PAX4: variants seen among roughly 807,000 people sequenced by gnomAD.
The protein encoded by PAX4 is paired box protein Pax-4.
PAX4 carries 33 observed loss-of-function variants against 40.6 expected under a neutral mutation model. The observed-to-expected ratio is 0.81, with a 90% CI of 0.62 to 1.09. The LOEUF (loss-of-function observed/expected upper bound fraction) is 1.09, where lower values mean the gene tolerates loss of function less well. Ranked by LOEUF, PAX4 falls within the 50% of genes least tolerant of loss-of-function variation. The pLI, the probability that PAX4 is intolerant of heterozygous loss-of-function variation, is 0.00. For missense variants in PAX4, 459 were observed against 442.5 expected, an observed-to-expected ratio of 1.04 and a Z score of -0.33; for synonymous variants, 174 against 170.6, an observed-to-expected ratio of 1.02 and a Z score of -0.16.
At position 127,613,031 on chromosome 7, in the gene PAX4, G is replaced by C. The variant is rs1328872875; in HGVS notation, c.706C>G (p.Gln236Glu). ...RRQEKLKWEM[Q>E]LPGASQGLTV... The stretch of plus-strand genomic sequence containing the variant: ...GGTGCAGAGAAATCACCTGGCAGCT[G>C]CATTTCCCACTTGAGCTTCTCTTGC... Residue 236 changes from glutamine to glutamate, a missense_variant, in exon 9 of 12, where the codon CAG becomes GAG. Physicochemically the swap from Gln to Glu is conservative, Grantham distance 29 (BLOSUM62 2). Transcript: ENST00000639438. 5.0e-6 allele frequency: 8 copies of C among 1,612,434 alleles called. No individual in the cohort carries two copies. Among genetic ancestry groups the C allele is most frequent in the Admixed American group, 1.7e-5 (1 of 60,026 alleles).
intron 11 of PAX4, 136 bp from the exon 12 acceptor site, chr7:127,611,342 T>A: frequency 7.5e-7 from 1 of 1,324,850 alleles, no homozygotes; most frequent in East Asian, 2.4e-5. Flanking sequence ...ATCCTTTACC[T>A]GCTATGGCTG....
intron 4 of PAX4, 72 bp downstream of exon 4, chr7:127,615,329 C>T (rs731833): frequency 1.4e-4 from 227 of 1,613,132 alleles, no homozygotes; most frequent in Non-Finnish European, 1.9e-4. Context: ...CAGCCCCAGG[C>T]TCTTGCCTTC....
intron 7 of PAX4, 81 bp from the exon 8 acceptor site, chr7:127,613,613 C>T (rs1794673075): frequency 6.3e-7 from 1 of 1,583,414 alleles, no homozygotes; most frequent in African/African-American, 1.3e-5. Flanking sequence ...CACTCCCCAC[C>T]TGCTACAACC....
intron 2 of PAX4, among the ~76,000 whole-genome samples, chr7:127,616,409 CAG>C (rs1387696499): frequency 6.6e-6 from 1 of 152,236 alleles, no homozygotes; most frequent in Non-Finnish European, 1.5e-5. Context: ...ACACCCGAGC[CAG>C]AGATTCTGGG....
rs374507653 is a variant in PAX4, at chr7:127,611,198, G to A, written c.922C>T (p.Pro308Ser). 1 of 1,598,758 alleles carries A rather than the reference G, an allele frequency of 6.3e-7. No individual in the cohort carries two copies. Among genetic ancestry groups the A allele is most frequent in the Non-Finnish European group, 8.5e-7 (1 of 1,172,886 alleles). ...ACLKPCWGHL[P>S]PQPNSLDSGL... ...GAGTCCAGGGAATTCGGCTGTGGGG[G>A]CAAGTGGCCTGTGGGGACAAATAGA... Residue 308 changes from proline (P) to serine (S), a missense_variant, in exon 12 of 12, where the codon CCC (proline) becomes TCC (serine). By Grantham distance (74) the Pro-to-Ser change is moderately conservative (BLOSUM62 -1). Coordinates refer to ENST00000639438, the MANE Select transcript of PAX4 (RefSeq NM_001366110.1).
At chr7:127,613,348 C>A (rs1446784379) in intron 8 of PAX4, 102 bp downstream of exon 8, 2 of 1,177,976 alleles carry the variant, frequency 1.7e-6, no homozygotes, top group Non-Finnish European at 2.6e-6. Context: ...AAATTTGCTT[C>A]CAATTTCTCA....
At chr7:127,612,492 TG>T (rs1794646625) in intron 9 of PAX4, among the ~76,000 whole-genome samples, 3 of 151,344 alleles carry the variant, frequency 2.0e-5, no homozygotes, top group Non-Finnish European at 4.4e-5. Context: ...GATGGATGGA[TG>T]GATGGATGGA....
chr7:127,616,635 G>A (rs772181998), intron 2 of PAX4, among the ~76,000 whole-genome samples: 4 of 152,274 alleles, frequency 2.6e-5, no homozygotes, highest in East Asian at 1.9e-4. Flanking sequence ...CTGAAGAGCC[G>A]GCTTCTCCTA....
chr7:127,615,432 A>G lies in PAX4; in HGVS notation c.113T>C (p.Met38Thr). The change falls in exon 4 of 12, where the codon ATG (methionine) becomes ACG (threonine). Residue 38 changes from methionine (M) to threonine (T), a missense_variant. Transcript: ENST00000639438. ...GATCCGTGAGATGTCACAGGGCCGCATTCCACTGACTGCTAGCCGCACAAT... is the reference window on the plus strand; with the variant it reads ...GATCCGTGAGATGTCACAGGGCCGCGTTCCACTGACTGCTAGCCGCACAAT... ...QQIVRLAVSG[M>T]RPCDISRILK... 6.2e-7 allele frequency: 1 copy of G among 1,614,172 alleles called. No homozygotes were observed. Among genetic ancestry groups the G allele is most frequent in the Non-Finnish European group, 8.5e-7 (1 of 1,180,034 alleles).
intron 10 of PAX4, 49 bp downstream of exon 10, chr7:127,611,896 G>A (rs755239110): frequency 1.2e-6 from 2 of 1,612,256 alleles, no homozygotes; most frequent in Non-Finnish European, 1.7e-6. Context: ...AAGAGCCCAT[G>A]AGCCCTTCAG....
In PAX4 at chr7:127,613,811, G is replaced by A. The variant is rs766014675; in HGVS notation, c.507C>T (p.Thr169=). 14 of 1,613,868 alleles carry A rather than the reference G, an allele frequency of 8.7e-6. No homozygotes were observed. The highest frequency in any genetic ancestry group is 1.6e-4 in the Middle Eastern group (1 of 6,080). The change falls in exon 7 of 12, where the codon ACC becomes ACT. Residue 169 remains threonine (T), a synonymous_variant. Transcript: ENST00000639438. ...SETPRGTHPG[T]GHRNRTIFSP... ...AGAAGATAGTCCGATTCCGGTGGCC[G>A]GTCCCTGGGTGGGTACCCCGGGGAG...
chr7:127,611,030 A>G lies in PAX4; in HGVS notation c.*34T>C. The G allele has an allele frequency of 6.3e-7, 1 of 1,579,984 alleles. No individual in the cohort carries two copies. The highest frequency in any genetic ancestry group is 1.8e-5 in the Admixed American group (1 of 56,044). On this transcript the variant is annotated 3_prime_UTR_variant, in exon 12 of 12. Transcript: ENST00000639438. Reference sequence around the variant, plus strand: ...AGGACAATGGGCAGGATGGTATTAGATCTTCTCTATGCCATCTCCTTCCCA... The same window carrying G: ...AGGACAATGGGCAGGATGGTATTAGGTCTTCTCTATGCCATCTCCTTCCCA...
intron 3 of PAX4, 141 bp downstream of exon 3, chr7:127,615,774 AG>A: frequency 6.6e-7 from 1 of 1,509,748 alleles, no homozygotes; most frequent in Non-Finnish European, 8.8e-7. Context: ...GAAGCAGGAC[AG>A]GGCAGGAAGG....
chr7:127,612,115 C>T (rs1208215025), intron 9 of PAX4, 115 bp from the exon 10 acceptor site: 4 of 945,930 alleles, frequency 4.2e-6, no homozygotes, highest in Non-Finnish European at 6.7e-6. Context: ...TCAGCCACTT[C>T]TTGCAGGGGT....
At chr7:127,612,253 TGTGTGCCCAGCA>T (rs1261911505) in intron 9 of PAX4, among the ~76,000 whole-genome samples, 1 of 152,178 alleles carries the variant, frequency 6.6e-6, no homozygotes. Flanking sequence ...TCCGGGACTG[TGTGTGCCCAGCA>T]TCTAGCACAG....
chr7:127,615,778 C>A (rs567124593), intron 3 of PAX4, 138 bp downstream of exon 3: 8 of 1,513,384 alleles, frequency 5.3e-6, no homozygotes, highest in South Asian at 3.8e-5. Context: ...CAGGACAGGG[C>A]AGGAAGGGAG....
At chr7:127,611,825 T>C in intron 10 of PAX4, 120 bp downstream of exon 10, 8 of 1,593,924 alleles carry the variant, frequency 5.0e-6, no homozygotes, top group Non-Finnish European at 6.8e-6. Context: ...GTTAGTACTT[T>C]CTTGACATGA....
chr7:127,614,696 C>A, intron 5 of PAX4, 139 bp from the exon 6 acceptor site: 2 of 1,099,744 alleles, frequency 1.8e-6, no homozygotes, highest in Non-Finnish European at 2.7e-6. Flanking sequence ...CTCTCTCTCT[C>A]TATGCTTTCT....
rs1031229648 is a variant in PAX4 at position 127,613,241 on chromosome 7, C to T, written c.646-150G>A. The T allele has an allele frequency of 2.7e-5, 23 of 857,876 alleles. No individual in the cohort carries two copies. In the African/African-American group the frequency reaches 3.5e-4, roughly 13 times the overall value. The allele number at this position is 857,876 out of a possible 1,614,324, so 53.1% of individuals were successfully genotyped here. ...CCCTGCTCTAGCTTTTGCTCTCTGGCCCCTTCCTCAACTCAAAGGTTTGGG... is the reference window on the plus strand; with the variant it reads ...CCCTGCTCTAGCTTTTGCTCTCTGGTCCCTTCCTCAACTCAAAGGTTTGGG... On this transcript the variant is annotated intron_variant, in intron 8 of 11. Transcript: ENST00000639438.
Sources: allele counts gnomAD v4.1 joint callset (sites outside exome capture counted in the v4.1 genomes callset), GRCh38; gene constraint gnomAD v4.1.1; transcripts MANE v1.5; gene names NCBI Gene and HGNC (gene_info 2026-07-23, HGNC 2026-07-21).